PARD3B: variants seen among roughly 807,000 people sequenced by gnomAD.
The protein encoded by PARD3B is partitioning defective 3 homolog B.
In PARD3B, 103 loss-of-function variants were observed where a neutral mutation model predicts 130.2. The observed-to-expected ratio is 0.79, with a 90% confidence interval of 0.67 to 0.93. The LOEUF (loss-of-function observed/expected upper bound fraction) is 0.93, where lower values mean the gene tolerates loss of function less well. Ranked by LOEUF, PARD3B falls within the 40% of genes least tolerant of loss-of-function variation. The probability of loss-of-function intolerance (pLI) is 0.00; values close to 1 mark genes in which losing one functional copy is unlikely to be tolerated. For missense variants in PARD3B, 1,609 were observed against 1,499.2 expected, an observed-to-expected ratio of 1.07 and a Z score of -1.21; for synonymous variants, 583 against 553.2, an observed-to-expected ratio of 1.05 and a Z score of -0.76.
At chr2:204,937,775 T>C (rs564840536) in intron 2 of PARD3B, among the ~76,000 whole-genome samples, 13 of 152,296 alleles carry the variant, frequency 8.5e-5, no homozygotes, top group African/African-American at 2.4e-4. Context: ...CTTCTTCGTT[T>C]GCATGATACT....
chr2:204,771,393 T>G (rs963750599), intron 2 of PARD3B, among the ~76,000 whole-genome samples: 2 of 152,052 alleles, frequency 1.3e-5, no homozygotes, highest in African/African-American at 2.4e-5. Flanking sequence ...CCTTGGTCCT[T>G]TGAGAATAAG....
chr2:204,636,175 A>C (rs2125146692), intron 1 of PARD3B, among the ~76,000 whole-genome samples: 1 of 152,262 alleles, frequency 6.6e-6, no homozygotes, highest in African/African-American at 2.4e-5. Context: ...TTGTCCATCA[A>C]AGCATAAACC....
chr2:205,069,852 T>A lies in PARD3B; in HGVS notation c.504+22162T>A, dbSNP rs182214982. ...AGCTGGCCTTTGTAGAGCACCTCAG[T>A]AAAGAGCTAGTATCTACACTCTACA... is the stretch of plus-strand genomic sequence containing the variant. On this transcript the variant is annotated intron_variant, in intron 4 of 22. Transcript: ENST00000406610. Among the ~76,000 whole-genome samples the A allele has an allele frequency of 1.3e-4, 20 of 152,098 alleles. No homozygotes were observed. In the East Asian group the frequency reaches 3.7e-3, roughly 28 times the overall value.
intron 18 of PARD3B, among the ~76,000 whole-genome samples, chr2:205,363,926 C>G (rs1385564624): frequency 7.0e-6 from 1 of 142,398 alleles, no homozygotes; most frequent in Non-Finnish European, 1.5e-5. Context: ...CTCGGCCTCC[C>G]AAAGTGCTAA....
chr2:204,711,559 T>G (rs913115227), intron 2 of PARD3B, among the ~76,000 whole-genome samples: 2 of 152,172 alleles, frequency 1.3e-5, no homozygotes, highest in Non-Finnish European at 2.9e-5. Context: ...TTTTTCTTTT[T>G]TTTTCAGACA....
chr2:205,090,031 G>A (rs1287360034), intron 4 of PARD3B, among the ~76,000 whole-genome samples: 2 of 152,160 alleles, frequency 1.3e-5, no homozygotes, highest in East Asian at 1.9e-4. Context: ...GTGCATCAAC[G>A]GAGTACCCTC....
intron 22 of PARD3B, among the ~76,000 whole-genome samples, chr2:205,587,061 T>C (rs1176602822): frequency 2.0e-5 from 3 of 152,202 alleles, no homozygotes; most frequent in Admixed American, 6.5e-5. Context: ...AAGCTTCACA[T>C]TGGCGTGTGT....
At chr2:205,322,232 A>G (rs849192) in intron 18 of PARD3B, among the ~76,000 whole-genome samples, 37,692 of 152,102 alleles carry the variant, frequency 0.25, 6,244 homozygotes, top group African/African-American at 0.47. Context: ...GATTCATCCA[A>G]GAAATTTATA....
chr2:204,901,914 G>C (rs1485421313), intron 2 of PARD3B, among the ~76,000 whole-genome samples: 1 of 152,092 alleles, frequency 6.6e-6, no homozygotes, highest in African/African-American at 2.4e-5. Flanking sequence ...GCCCTGGAGT[G>C]GGGGTCTCAG....
intron 21 of PARD3B, among the ~76,000 whole-genome samples, chr2:205,510,519 T>C (rs901318084): frequency 3.9e-5 from 6 of 152,174 alleles, no homozygotes; most frequent in Non-Finnish European, 5.9e-5. Context: ...GCAAATTCCA[T>C]TGGTCCAAAG....
At chr2:205,354,019 TCTTTTC>T (rs200825832) in intron 18 of PARD3B, among the ~76,000 whole-genome samples, 3,944 of 125,488 alleles carry the variant, frequency 0.031, 651 homozygotes, top group Middle Eastern at 0.062. Flanking sequence ...TTTTTTCTTT[TCTTTTC>T]CTTTTTTTTT....
intron 1 of PARD3B, among the ~76,000 whole-genome samples, chr2:204,612,746 C>T (rs2033974909): frequency 6.6e-6 from 1 of 150,594 alleles, no homozygotes. Context: ...TGCCATGCCC[C>T]ACCCACCCCT....
intron 1 of PARD3B, among the ~76,000 whole-genome samples, chr2:204,591,406 A>T (rs2033068217): frequency 6.6e-6 from 1 of 152,254 alleles, no homozygotes. Flanking sequence ...ATAATACGAA[A>T]GAATACCAGC....
intron 1 of PARD3B, among the ~76,000 whole-genome samples, chr2:204,591,521 A>G (rs2033073176): frequency 6.6e-6 from 1 of 152,204 alleles, no homozygotes. Context: ...CTGGACTGAA[A>G]TGAAACCTTT....
chr2:204,620,796 G>T (rs1183438690), intron 1 of PARD3B, among the ~76,000 whole-genome samples: 1 of 152,184 alleles, frequency 6.6e-6, no homozygotes, highest in Admixed American at 6.5e-5. Flanking sequence ...GTGGCTACCT[G>T]TGCCAAGAAA....
At chr2:204,801,965 A>C (rs1283401601) in intron 2 of PARD3B, among the ~76,000 whole-genome samples, 1 of 152,182 alleles carries the variant, frequency 6.6e-6, no homozygotes, top group African/African-American at 2.4e-5. Context: ...TGAGATAATC[A>C]TGTGGTTTTG....
intron 18 of PARD3B, among the ~76,000 whole-genome samples, chr2:205,340,631 A>G (rs1331503263): frequency 6.6e-6 from 1 of 152,206 alleles, no homozygotes; most frequent in African/African-American, 2.4e-5. Flanking sequence ...GTAAGATCCC[A>G]AACTATGCAA....
chr2:205,324,298 G>T (rs530555876), intron 18 of PARD3B, among the ~76,000 whole-genome samples: 1 of 152,084 alleles, frequency 6.6e-6, no homozygotes, highest in Admixed American at 6.5e-5. Context: ...TAAGAAGTGG[G>T]TATGCTAAAA....
Position 204,833,706 on chromosome 2 carries a change from G to A in PARD3B, c.223-131446G>A, listed in dbSNP as rs1468798515. Among the ~76,000 whole-genome samples the A allele has an allele frequency of 7.2e-5, 11 of 151,930 alleles. 1 individual carries two copies. Among genetic ancestry groups the A allele is most frequent in the East Asian group, 1.9e-4 (1 of 5,164 alleles). On this transcript the variant is annotated intron_variant, in intron 2 of 22. Transcript: ENST00000406610. ...ATGTAAGACATGCCTTTTGCCTTCC[G>A]CCATGATTGTGGGGCCTCCCCAGCC...
Sources: gnomAD v4.1 joint callset for allele counts (sites outside exome capture counted in the v4.1 genomes callset) on GRCh38, gnomAD v4.1.1 for gene constraint, MANE v1.5 for transcripts, NCBI Gene and HGNC (gene_info 2026-07-23, HGNC 2026-07-21) for gene names.